Variants in ITIH5 observed in about 807,000 individuals in gnomAD.
ITIH5 encodes the protein inter-alpha-trypsin inhibitor heavy chain 5, also known as inter-alpha-trypsin inhibitor heavy chain H5.
In ITIH5, 65 loss-of-function variants were observed where a neutral mutation model predicts 77.5. The observed-to-expected ratio is 0.84, with a 90% confidence interval of 0.69 to 1.03. ITIH5 has a LOEUF of 1.03. Among genes scored for constraint, ITIH5 ranks in the 50% least tolerant of loss-of-function variants. The pLI is 0.00. For missense variants in ITIH5, 1,208 were observed against 1,213.1 expected, an observed-to-expected ratio of 1.00 and a Z score of 0.06; for synonymous variants, 525 against 494.3, an observed-to-expected ratio of 1.06 and a Z score of -0.82.
intron 3 of ITIH5, 123 bp from the exon 4 acceptor site, chr10:7,640,978 T>C (rs1833876609): frequency 4.0e-6 from 3 of 757,276 alleles, no homozygotes; most frequent in Non-Finnish European, 7.0e-6. Flanking sequence ...GTAGAAAGAA[T>C]GCATTCCAGA....
chr10:7,642,176 G>T, intron 2 of ITIH5, 86 bp from the exon 3 acceptor site: 1 of 1,054,866 alleles, frequency 9.5e-7, no homozygotes, highest in South Asian at 1.8e-5. Context: ...TTTCCACAAG[G>T]GAAATAATCT....
At chr10:7,591,532 C>A (rs1190113630) in intron 7 of ITIH5, among the ~76,000 whole-genome samples, 2 of 152,152 alleles carry the variant, frequency 1.3e-5, no homozygotes, top group Admixed American at 1.3e-4. Flanking sequence ...CCCAGCTACA[C>A]AATGTCCACG....
At chr10:7,656,233 T>C (rs1404422805) in intron 1 of ITIH5, among the ~76,000 whole-genome samples, 2 of 152,194 alleles carry the variant, frequency 1.3e-5, no homozygotes, top group Non-Finnish European at 2.9e-5. Context: ...CGTCTTTTTT[T>C]AGACATGGCC....
Position 7,645,017 on chromosome 10 carries a change from CA to C in ITIH5, c.136-2928del, listed in dbSNP as rs374514035. On this transcript the variant is annotated intron_variant, in intron 2 of 13. Coordinates refer to ENST00000397146, the MANE Select transcript of ITIH5 (RefSeq NM_030569.7). ...ACTTGAACACCAAGACAGGGAGCTG[CA>C]ATGGTTGGAGCCAAGCACATGAGGA... Among the ~76,000 whole-genome samples, 120 of 149,156 alleles carry C rather than the reference CA, an allele frequency of 8.0e-4. 2 individuals are homozygous for C. The East Asian group carries it at 0.019, about 23-fold the overall frequency.
At chr10:7,627,992 C>A (rs1030671909) in intron 5 of ITIH5, among the ~76,000 whole-genome samples, 23 of 152,046 alleles carry the variant, frequency 1.5e-4, no homozygotes, top group African/African-American at 5.5e-4. Context: ...CAGGCGCCTG[C>A]CACCAAGCCC....
intron 9 of ITIH5, among the ~76,000 whole-genome samples, chr10:7,577,425 A>G (rs1380958731): frequency 6.6e-6 from 1 of 152,208 alleles, no homozygotes; most frequent in Non-Finnish European, 1.5e-5. Context: ...GTCAATCCCC[A>G]GTTTCATGAA....
At chr10:7,584,338 C>T (rs10905192) in intron 8 of ITIH5, among the ~76,000 whole-genome samples, 29 of 147,548 alleles carry the variant, frequency 2.0e-4, no homozygotes, top group Non-Finnish European at 1.5e-5. Flanking sequence ...CAGAGTCTCG[C>T]TGTCACCCAG....
rs77681331 is a variant in ITIH5, at chr10:7,576,418, G to A, written c.1978+35C>T. ...GAGGTGAGTGGTATCTCAGGCCCGC[G>A]TCCCCCACACCTGGCTGGCACAGGT... On this transcript the variant is annotated intron_variant, in intron 10 of 13. Transcript: ENST00000397146. 832 of 1,487,214 alleles carry A rather than the reference G, an allele frequency of 5.6e-4. 4 individuals are homozygous for A. In the African/African-American group the frequency reaches 0.011, roughly 19 times the overall value. 92.1% of individuals were successfully genotyped at this position (1,487,214 alleles called of 1,614,324 possible). A position where few individuals can be genotyped will look rare whatever the true frequency, so the allele number is the denominator to read the frequency against.
intron 7 of ITIH5, among the ~76,000 whole-genome samples, chr10:7,607,187 T>C (rs1833142753): frequency 6.6e-6 from 1 of 152,248 alleles, no homozygotes; most frequent in South Asian, 2.1e-4. Flanking sequence ...TCTAGACAGG[T>C]GTCAGCAAAC....
At chr10:7,599,342 C>T (rs888701322) in intron 7 of ITIH5, among the ~76,000 whole-genome samples, 1 of 152,210 alleles carries the variant, frequency 6.6e-6, no homozygotes, top group Non-Finnish European at 1.5e-5. Context: ...GGCATGGCTG[C>T]TTGCTCTAAT....
intron 7 of ITIH5, among the ~76,000 whole-genome samples, chr10:7,601,788 G>A (rs1833020768): frequency 1.3e-5 from 2 of 152,124 alleles, no homozygotes; most frequent in African/African-American, 4.8e-5. Context: ...ATTGATTGTA[G>A]AATTGTTGAT....
chr10:7,573,425 C>A (rs903008349), intron 10 of ITIH5, among the ~76,000 whole-genome samples: 1 of 151,572 alleles, frequency 6.6e-6, no homozygotes, highest in African/African-American at 2.4e-5. Flanking sequence ...CCAGTGCTTC[C>A]GGAGGCCAAG....
Position 7,569,687 on chromosome 10 carries a change from G to A in ITIH5, c.2130C>T (p.Val710=), listed in dbSNP as rs1832258610. ...DGQPGDILRL[V]SDHRDSGVTV... ...ACTTACCAGAGTCCCTGTGATCAGA[G>A]ACCAGCCTGAGGATGTCCCCGGGCT... The change falls in exon 12 of 14, where the codon GTC becomes GTT. Residue 710 remains valine (V), a synonymous_variant. Transcript: ENST00000397146. The A allele has an allele frequency of 1.2e-6, 2 of 1,609,388 alleles. No individual in the cohort carries two copies. The highest frequency in any genetic ancestry group is 1.3e-5 in the African/African-American group (1 of 74,724).
chr10:7,588,696 G>A (rs772222293), intron 7 of ITIH5, among the ~76,000 whole-genome samples: 57 of 152,196 alleles, frequency 3.7e-4, no homozygotes, highest in Non-Finnish European at 7.2e-4. Context: ...TGGAGTTGAT[G>A]GTATCATTAG....
chr10:7,637,256 G>A lies in ITIH5; in HGVS notation c.624C>T (p.Ser208=). ...CCCCGCGCCCACTGCCCCTCTGCCT[G>A]CTGTTGTGAAGCGGCAGCACCTCCA... is the stretch of plus-strand genomic sequence containing the variant. ...ASLEVLPLHN[S]RQRGSGRGED... is the part of the protein sequence containing the mutation. The change falls in exon 5 of 14, where the codon AGC becomes AGT. Residue 208 remains serine (S), a synonymous_variant. Transcript: ENST00000397146. 1 of 1,610,320 alleles carries A rather than the reference G, an allele frequency of 6.2e-7. No homozygotes were observed. Among genetic ancestry groups the A allele is most frequent in the Non-Finnish European group, 8.5e-7 (1 of 1,179,972 alleles).
intron 1 of ITIH5, among the ~76,000 whole-genome samples, chr10:7,657,138 G>A (rs1262204156): frequency 5.5e-5 from 8 of 145,882 alleles, no homozygotes; most frequent in East Asian, 2.1e-4. Flanking sequence ...TCCAACTCCC[G>A]GGTTCAAGCG....
chr10:7,624,796 A>T (rs192364498), intron 5 of ITIH5, among the ~76,000 whole-genome samples: 37,648 of 59,442 alleles, frequency 0.63, 12,075 homozygotes, highest in Non-Finnish European at 0.71. Flanking sequence ...AAAAAAAAAA[A>T]AAATATATAT....
chr10:7,573,604 A>T (rs796869541), intron 10 of ITIH5, among the ~76,000 whole-genome samples: 12 of 149,498 alleles, frequency 8.0e-5, no homozygotes, highest in African/African-American at 2.9e-4. Context: ...TGAGCCCAGG[A>T]GATCAAGGCT....
intron 7 of ITIH5, among the ~76,000 whole-genome samples, chr10:7,606,831 A>C (rs2050347): frequency 0.99 from 150,184 of 152,344 alleles, 74,075 homozygotes; most frequent in Middle Eastern, 1. Flanking sequence ...AACAGCAATA[A>C]ATTTTTCAAT....
Sources: allele counts gnomAD v4.1 joint callset (sites outside exome capture counted in the v4.1 genomes callset), GRCh38; gene constraint gnomAD v4.1.1; transcripts MANE v1.5; gene names NCBI Gene and HGNC (gene_info 2026-07-23, HGNC 2026-07-21).